The following PLCL1 variants were observed in gnomAD, a reference collection of about 807,000 sequenced individuals.
PLCL1 encodes inactive phospholipase C-like protein 1.
PLCL1 carries 41 observed loss-of-function variants against 84.4 expected under a neutral mutation model. The observed-to-expected ratio is 0.49, with a 90% CI of 0.38 to 0.63. PLCL1 has a LOEUF of 0.63. PLCL1 is among the 30% of genes least tolerant of loss of function. The pLI, the probability that PLCL1 is intolerant of heterozygous loss-of-function variation, is 0.00. For missense variants in PLCL1, 1,206 were observed against 1,367.8 expected (o/e 0.88, Z 1.87); for synonymous variants, 490 against 488.3 (o/e 1.00, Z -0.05).
chr2:197,831,734 A>G (rs1282062924), intron 1 of PLCL1, among the ~76,000 whole-genome samples: 1 of 152,204 alleles, frequency 6.6e-6, no homozygotes, highest in Admixed American at 6.5e-5. Context: ...TCAGCACCAC[A>G]TAGCACTTAT....
chr2:198,131,340 C>T (rs1694114078), intron 5 of PLCL1, among the ~76,000 whole-genome samples: 1 of 152,178 alleles, frequency 6.6e-6, no homozygotes, highest in African/African-American at 2.4e-5. Context: ...TTAGGTATCC[C>T]TGTACGTATT....
In PLCL1 at chr2:198,083,815, C is replaced by G; in HGVS notation, c.298C>G (p.Pro100Ala). 1 of 1,608,746 alleles carries G rather than the reference C, an allele frequency of 6.2e-7. No individual in the cohort carries two copies. Among genetic ancestry groups the G allele is most frequent in the Non-Finnish European group, 8.5e-7 (1 of 1,176,728 alleles). ...RKKTVSFSSM[P>A]SEKKISSAND... ...GAAAACCGTGTCTTTCAGCAGCATG[C>G]CATCGGAAAAGAAAATTAGCAGTGC... is the stretch of plus-strand genomic sequence containing the variant. The change falls in exon 2 of 6, where the codon CCA (proline) becomes GCA (alanine). Residue 100 changes from proline to alanine, a missense_variant. Transcript: ENST00000428675.
intron 1 of PLCL1, among the ~76,000 whole-genome samples, chr2:197,836,739 T>G (rs1691199676): frequency 6.6e-6 from 1 of 152,176 alleles, no homozygotes. Context: ...TTTCTCTTTT[T>G]TTAGAGATGG....
chr2:198,122,545 T>C (rs1448870342), intron 5 of PLCL1, among the ~76,000 whole-genome samples: 5 of 152,098 alleles, frequency 3.3e-5, no homozygotes, highest in African/African-American at 1.2e-4. Flanking sequence ...ATGCTCCAAA[T>C]TGGCAAACCC....
chr2:197,850,437 T>G (rs1312124520), intron 1 of PLCL1, among the ~76,000 whole-genome samples: 2 of 152,120 alleles, frequency 1.3e-5, no homozygotes, highest in African/African-American at 4.8e-5. Context: ...TTGTCAGAAT[T>G]GTCTTGATAA....
At chr2:197,806,141 A>G (rs1690473397) in intron 1 of PLCL1, among the ~76,000 whole-genome samples, 1 of 152,212 alleles carries the variant, frequency 6.6e-6, no homozygotes, top group Admixed American at 6.5e-5. Context: ...GTTATTTAGG[A>G]AAGAACCCTC....
chr2:197,952,887 T>C (rs990606016), intron 1 of PLCL1, among the ~76,000 whole-genome samples: 2 of 152,058 alleles, frequency 1.3e-5, no homozygotes, highest in Non-Finnish European at 2.9e-5. Flanking sequence ...TTGTGAGGCC[T>C]CCCCAGCCAT....
At chr2:197,932,027 G>A (rs1460677083) in intron 1 of PLCL1, among the ~76,000 whole-genome samples, 1 of 152,148 alleles carries the variant, frequency 6.6e-6, no homozygotes, top group Non-Finnish European at 1.5e-5. Context: ...AATGGGTAAT[G>A]AGCAAGACAT....
chr2:197,930,795 T>A (rs889338447), intron 1 of PLCL1, among the ~76,000 whole-genome samples: 1 of 152,194 alleles, frequency 6.6e-6, no homozygotes, highest in African/African-American at 2.4e-5. Context: ...ATTTTATTAA[T>A]AACATTTTTA....
At chr2:197,944,008 A>C (rs1689220118) in intron 1 of PLCL1, among the ~76,000 whole-genome samples, 1 of 151,950 alleles carries the variant, frequency 6.6e-6, no homozygotes, top group African/African-American at 2.4e-5. Context: ...TGTTTCCTAA[A>C]TCCATTTTCT....
At chr2:197,853,694 C>T (rs1306273593) in intron 1 of PLCL1, among the ~76,000 whole-genome samples, 1 of 152,128 alleles carries the variant, frequency 6.6e-6, no homozygotes, top group East Asian at 1.9e-4. Flanking sequence ...CTGACTCCCT[C>T]CTATGCATCC....
rs540620469 is a variant in PLCL1, at chr2:197,958,055, AT to A, written c.241-125702del. On this transcript the variant is annotated intron_variant, in intron 1 of 5. Coordinates refer to ENST00000428675, the MANE Select transcript of PLCL1 (RefSeq NM_006226.4). Reference sequence around the variant, plus strand: ...TTCTGGCTTATCTCAATTTTCTCTCATGTGGCTTCCCTTGTCTAGTAGCTTT... The same window carrying A: ...TTCTGGCTTATCTCAATTTTCTCTCAGTGGCTTCCCTTGTCTAGTAGCTTT... Among the ~76,000 whole-genome samples, 96 of 152,124 alleles carry A rather than the reference AT, an allele frequency of 6.3e-4. 3 individuals carry two copies. The South Asian group carries it at 0.014, about 22-fold the overall frequency.
Position 198,148,260 on chromosome 2 carries a change from A to G in PLCL1, c.*1298A>G, listed in dbSNP as rs1010100006. ...TTCTTAATTAATTTGATTAACAAAT[A>G]TGCTAATTTGGGGAAACCTAGAGAA... On this transcript the variant is annotated 3_prime_UTR_variant, in exon 6 of 6. Coordinates refer to ENST00000428675, the MANE Select transcript of PLCL1 (RefSeq NM_006226.4). The G allele has an allele frequency of 2.0e-5, 3 of 152,354 alleles. No individual in the cohort carries two copies. The highest frequency in any genetic ancestry group is 7.2e-5 in the African/African-American group (3 of 41,466). The allele number at this position is 152,354 out of a possible 1,614,324, so 9.4% of individuals were successfully genotyped here. A position where few individuals can be genotyped will look rare whatever the true frequency, so the allele number is the denominator to read the frequency against.
chr2:198,049,358 A>C (rs972571242), intron 1 of PLCL1, among the ~76,000 whole-genome samples: 2 of 152,208 alleles, frequency 1.3e-5, no homozygotes, highest in Admixed American at 1.3e-4. Flanking sequence ...GGATGTAGAT[A>C]GGAAATAAAT....
rs146821269 is a variant in PLCL1 at position 198,074,872 on chromosome 2, T to G, written c.241-8886T>G. On this transcript the variant is annotated intron_variant, in intron 1 of 5. Coordinates refer to ENST00000428675, the MANE Select transcript of PLCL1 (RefSeq NM_006226.4). Reference sequence around the variant, plus strand: ...AGAATAAAATATAAAAGTATGCGTCTATTTGAAGGCCTACCTAATTACATA... The same window carrying G: ...AGAATAAAATATAAAAGTATGCGTCGATTTGAAGGCCTACCTAATTACATA... 6.8e-4 allele frequency among the ~76,000 whole-genome samples: 104 copies of G among 152,352 alleles called. 3 individuals are homozygous for G. The South Asian group carries it at 0.013, about 20-fold the overall frequency.
At chr2:198,107,173 G>T (rs755784787) in intron 5 of PLCL1, among the ~76,000 whole-genome samples, 15 of 152,028 alleles carry the variant, frequency 9.9e-5, no homozygotes, top group Non-Finnish European at 2.1e-4. Context: ...AAGGAGAAGT[G>T]CTGAGCAAAA....
chr2:197,893,736 G>C (rs1206963390), intron 1 of PLCL1, among the ~76,000 whole-genome samples: 1 of 149,406 alleles, frequency 6.7e-6, no homozygotes, highest in South Asian at 2.1e-4. Context: ...TGGGCTTTAC[G>C]TGGCTACTTA....
intron 2 of PLCL1, among the ~76,000 whole-genome samples, chr2:198,087,040 A>G (rs1426542645): frequency 6.6e-6 from 1 of 152,214 alleles, no homozygotes; most frequent in Non-Finnish European, 1.5e-5. Context: ...TCCCCACAAG[A>G]ACAAGTAAAA....
intron 1 of PLCL1, among the ~76,000 whole-genome samples, chr2:197,983,599 T>C (rs1389325643): frequency 6.6e-6 from 1 of 152,188 alleles, no homozygotes; most frequent in Non-Finnish European, 1.5e-5. Flanking sequence ...ATGGAATTTA[T>C]GTTAGTTGTT....
Sources: allele counts gnomAD v4.1 joint callset (sites outside exome capture counted in the v4.1 genomes callset), GRCh38; gene constraint gnomAD v4.1.1; transcripts MANE v1.5; gene names NCBI Gene and HGNC (gene_info 2026-07-23, HGNC 2026-07-21).